Variants in TRIM54 observed in about 807,000 individuals in gnomAD.
TRIM54 encodes tripartite motif containing 54.
TRIM54 carries 40 observed loss-of-function variants against 42.0 expected under a neutral mutation model. That is an observed-to-expected ratio of 0.95 (90% CI 0.74 to 1.24). The LOEUF (loss-of-function observed/expected upper bound fraction) is 1.24, where lower values mean the gene tolerates loss of function less well. TRIM54 is among the 50% of genes most tolerant of loss of function. The pLI is 0.00. For synonymous variants in TRIM54, 199 were observed against 194.9 expected (o/e 1.02, Z -0.17); for missense variants, 485 against 480.3 (o/e 1.01, Z -0.09).
intron 1 of TRIM54, among the ~76,000 whole-genome samples, chr2:27,290,874 A>G (rs867763153): frequency 1.3e-5 from 2 of 152,230 alleles, no homozygotes; most frequent in Admixed American, 1.3e-4. Context: ...TGACCCATAT[A>G]GCCAGTATAG....
At position 27,306,784 on chromosome 2, in the gene TRIM54, G is replaced by A; in HGVS notation, c.*2-103G>A. The A allele has an allele frequency of 1.8e-6, 1 of 566,438 alleles. No individual in the cohort carries two copies. The highest frequency in any genetic ancestry group is 3.1e-6 in the Non-Finnish European group (1 of 321,922). The allele number at this position is 566,438 out of a possible 1,614,324, so 35.1% of individuals were successfully genotyped here. A position where few individuals can be genotyped will look rare whatever the true frequency, so the allele number is the denominator to read the frequency against. Reference sequence around the variant, plus strand: ...GCTGGGAGGGCAGGCAAGGCAGGCTGAGTAGAGGAGAAACCCACGTGGCGG... The same window carrying A: ...GCTGGGAGGGCAGGCAAGGCAGGCTAAGTAGAGGAGAAACCCACGTGGCGG... On this transcript the variant is annotated intron_variant, in intron 8 of 8. Coordinates refer to ENST00000380075, the MANE Select transcript of TRIM54 (RefSeq NM_187841.3). The surrounding 1 kb of genome is among the most constrained non-coding windows in gnomAD (Gnocchi z 6.1).
At chr2:27,285,909 A>C (rs1311665535) in intron 1 of TRIM54, among the ~76,000 whole-genome samples, 1 of 152,040 alleles carries the variant, frequency 6.6e-6, no homozygotes, top group African/African-American at 2.4e-5. Flanking sequence ...CTAGACAGCC[A>C]GGAAGCAAAA....
chr2:27,304,917 G>C (rs1679145478), intron 3 of TRIM54, 42 bp from the exon 4 acceptor site: 9 of 1,586,898 alleles, frequency 5.7e-6, no homozygotes, highest in Non-Finnish European at 7.8e-6. Context: ...TGTAGCTCTA[G>C]GCCAGGTCCC....
Position 27,307,404 on chromosome 2 carries a change from C to T in TRIM54, c.*519C>T. 6.8e-7 allele frequency: 1 copy of T among 1,478,170 alleles called. No homozygotes were observed. The highest frequency in any genetic ancestry group is 9.0e-7 in the Non-Finnish European group (1 of 1,111,178). The allele number at this position is 1,478,170 out of a possible 1,614,324, so 91.6% of individuals were successfully genotyped here. On this transcript the variant is annotated 3_prime_UTR_variant, in exon 9 of 9. Coordinates refer to ENST00000380075, the MANE Select transcript of TRIM54 (RefSeq NM_187841.3). The surrounding 1 kb of genome is among the most constrained non-coding windows in gnomAD (Gnocchi z 6.9). ...GCCTCTACGACAAAAGCCAACGGGTCTTCAGTACTTTTATTAAAAAATAGT... is the reference window on the plus strand; with the variant it reads ...GCCTCTACGACAAAAGCCAACGGGTTTTCAGTACTTTTATTAAAAAATAGT...
rs1327726097 is a variant in TRIM54, at chr2:27,306,054, T to C, written c.844-26T>C. 6.2e-7 allele frequency: 1 copy of C among 1,613,516 alleles called. No individual in the cohort carries two copies. The highest frequency in any genetic ancestry group is 1.7e-5 in the Admixed American group (1 of 59,990). ...TTGCCCAGGTTGGCCCAGTGCTTACTCTCACCCTCCTTTTCTTCCCTGCAG... is the reference window on the plus strand; with the variant it reads ...TTGCCCAGGTTGGCCCAGTGCTTACCCTCACCCTCCTTTTCTTCCCTGCAG... On this transcript the variant is annotated intron_variant, in intron 5 of 8. Transcript: ENST00000380075. This position sits in a 1 kb window ranked among gnomAD's most constrained non-coding sequence, Gnocchi z 6.1.
In TRIM54 at chr2:27,306,440, C is replaced by A. The variant is rs1407360743; in HGVS notation, c.992-16C>A. On this transcript the variant is annotated splice_polypyrimidine_tract_variant and intron_variant, in intron 7 of 8. Coordinates refer to ENST00000380075, the MANE Select transcript of TRIM54 (RefSeq NM_187841.3). The surrounding 1 kb of genome is among the most constrained non-coding windows in gnomAD (Gnocchi z 6.1). ...AAGGCAGGGACTCCACCTCACCAGGCCTTCCTTGGGCTCAGGCGCTTCCGG... is the reference window on the plus strand; with the variant it reads ...AAGGCAGGGACTCCACCTCACCAGGACTTCCTTGGGCTCAGGCGCTTCCGG... The A allele has an allele frequency of 6.2e-7, 1 of 1,604,576 alleles. No homozygotes were observed. Among genetic ancestry groups the A allele is most frequent in the Non-Finnish European group, 8.5e-7 (1 of 1,175,578 alleles).
At chr2:27,298,395 A>G (rs556570856) in intron 1 of TRIM54, among the ~76,000 whole-genome samples, 172 bp from the exon 2 acceptor site, 105 of 152,174 alleles carry the variant, frequency 6.9e-4, no homozygotes, top group African/African-American at 2.4e-3. Flanking sequence ...CAGGGTCTCC[A>G]TGGCCGTCCA....
At chr2:27,303,455 C>T (rs1679095918) in intron 3 of TRIM54, among the ~76,000 whole-genome samples, 1 of 151,922 alleles carries the variant, frequency 6.6e-6, no homozygotes, top group Non-Finnish European at 1.5e-5. Flanking sequence ...GAAGCTGAGG[C>T]AGGAGAATCG....
At position 27,282,718 on chromosome 2, in the gene TRIM54, C is replaced by T. The variant is rs376837738; in HGVS notation, c.-14C>T. 2.6e-5 allele frequency: 42 copies of T among 1,604,276 alleles called. No individual in the cohort carries two copies. The Middle Eastern group carries it at 1.0e-3, about 38-fold the overall frequency. ...CCAGGAGCAGGGCCCAGGCCAGGCA[C>T]GACCACCGAGGGGATGAACTTCACA... On this transcript the variant is annotated 5_prime_UTR_variant, in exon 1 of 9. In the 5' UTR this introduces an upstream ATG that the reference lacks. Transcript: ENST00000380075.
At chr2:27,292,618 C>T (rs1399357653) in intron 1 of TRIM54, among the ~76,000 whole-genome samples, 1 of 152,162 alleles carries the variant, frequency 6.6e-6, no homozygotes, top group Admixed American at 6.6e-5. Flanking sequence ...AATGGCATTA[C>T]ATACATTTAC....
chr2:27,287,798 G>C (rs1678617905), intron 1 of TRIM54, among the ~76,000 whole-genome samples: 2 of 152,210 alleles, frequency 1.3e-5, no homozygotes, highest in Admixed American at 1.3e-4. Context: ...AAAAGCTCTG[G>C]GGTTATAGGC....
At chr2:27,298,972 C>G (rs372927863) in intron 2 of TRIM54, among the ~76,000 whole-genome samples, 9 of 152,222 alleles carry the variant, frequency 5.9e-5, no homozygotes, top group African/African-American at 2.2e-4. Context: ...TGGCAGTCCA[C>G]CAGCAAGATC....
chr2:27,305,474 G>A (rs1365988649), intron 4 of TRIM54, 110 bp from the exon 5 acceptor site: 24 of 850,994 alleles, frequency 2.8e-5, no homozygotes, highest in Non-Finnish European at 4.2e-5. Context: ...AACTCACAGT[G>A]TCACTACGGA....
At chr2:27,289,563 C>T (rs530582632) in intron 1 of TRIM54, among the ~76,000 whole-genome samples, 19 of 152,212 alleles carry the variant, frequency 1.2e-4, no homozygotes, top group Non-Finnish European at 2.2e-4. Flanking sequence ...GTGATCTGCC[C>T]GCCTCGGCCT....
At position 27,305,101 on chromosome 2, in the gene TRIM54, C is replaced by G. The variant is rs114956796; in HGVS notation, c.609+47C>G. 9,629 of 1,520,326 alleles carry G rather than the reference C, an allele frequency of 6.3e-3. 502 individuals are homozygous for G. The African/African-American group carries it at 0.12, about 18-fold the overall frequency. The allele number at this position is 1,520,326 out of a possible 1,614,324, so 94.2% of individuals were successfully genotyped here. On this transcript the variant is annotated intron_variant, in intron 4 of 8. Transcript: ENST00000380075. ...GGAGGAACAGCAACTGGCTAGCCTG[C>G]GGACCCCGGGCTCCCAAGAGAACTG...
chr2:27,300,538 T>G (rs907563462), intron 3 of TRIM54, among the ~76,000 whole-genome samples: 1 of 152,124 alleles, frequency 6.6e-6, no homozygotes, highest in Admixed American at 6.5e-5. Flanking sequence ...CTTGTAATCC[T>G]TTGGGAGGAT....
intron 1 of TRIM54, among the ~76,000 whole-genome samples, chr2:27,297,178 A>G (rs1270335853): frequency 6.6e-6 from 1 of 152,204 alleles, no homozygotes; most frequent in Non-Finnish European, 1.5e-5. Flanking sequence ...CTCCCCACAC[A>G]TAGACTCTTT....
At chr2:27,303,146 T>C (rs1679080712) in intron 3 of TRIM54, among the ~76,000 whole-genome samples, 1 of 151,830 alleles carries the variant, frequency 6.6e-6, no homozygotes, top group Admixed American at 6.6e-5. Flanking sequence ...GAACCCTGAG[T>C]GGCAAGCACA....
intron 1 of TRIM54, among the ~76,000 whole-genome samples, chr2:27,294,533 G>A (rs764945606): frequency 6.6e-6 from 1 of 152,092 alleles, no homozygotes; most frequent in South Asian, 2.1e-4. Flanking sequence ...GCTCATGACC[G>A]TGTACAATTT....
Sources: gnomAD v4.1 joint callset for allele counts (sites outside exome capture counted in the v4.1 genomes callset) on GRCh38, gnomAD v4.1.1 for gene constraint, Gnocchi (gnomAD v3.1) non-coding constraint, MANE v1.5 for transcripts, NCBI Gene and HGNC (gene_info 2026-07-23, HGNC 2026-07-21) for gene names.